TRPM1: variants seen among roughly 807,000 people sequenced by gnomAD.
The protein encoded by TRPM1 is TRPM1-203 APA Isoform, Intron 10.
A neutral mutation model predicts 149.4 loss-of-function variants in TRPM1; 113 were observed. The ratio of observed to expected loss-of-function variants is 0.76; its 90% CI spans 0.65 to 0.88. The LOEUF is 0.88. Among genes scored for constraint, TRPM1 ranks in the 40% least tolerant of loss-of-function variants. The probability of loss-of-function intolerance (pLI) is 0.00; values close to 1 mark genes in which losing one functional copy is unlikely to be tolerated. For missense variants in TRPM1, 1,976 were observed against 2,038.7 expected (o/e 0.97, Z 0.59); for synonymous variants, 741 against 759.5 (o/e 0.98, Z 0.40).
intron 1 of TRPM1, among the ~76,000 whole-genome samples, chr15:31,134,064 G>A (rs58348331): frequency 0.015 from 2,249 of 152,258 alleles, 64 homozygotes; most frequent in African/African-American, 0.052. Flanking sequence ...CTCTCTGGAC[G>A]GGTGGATGGA....
intron 11 of TRPM1, among the ~76,000 whole-genome samples, chr15:31,058,272 G>A (rs2034138436): frequency 6.6e-6 from 1 of 152,076 alleles, no homozygotes; most frequent in Non-Finnish European, 1.5e-5. Context: ...GTGGAGAAAA[G>A]CAAATATCTA....
chr15:31,011,983 T>C (rs144709980), intron 27 of TRPM1, among the ~76,000 whole-genome samples: 270 of 152,284 alleles, frequency 1.8e-3, no homozygotes, highest in African/African-American at 6.4e-3. Context: ...TTATTTTCAA[T>C]AATATACACA....
Position 31,050,426 on chromosome 15 carries a change from T to C in TRPM1, c.1420A>G (p.Ile474Val), listed in dbSNP as rs376502001. The C allele has an allele frequency of 4.3e-6, 7 of 1,614,122 alleles. No homozygotes were observed. In the South Asian group the frequency reaches 7.7e-5, roughly 18 times the overall value. ...CCACATACCCAGTTCAGCAGCTCTA[T>C]CTTCCGGGGGTCAGTTTCTTCCTCC... ...EVEEETDPRK[I>V]ELLNWVNALE... The change falls in exon 12 of 28, where the codon ATA (isoleucine) becomes GTA (valine). Residue 474 changes from isoleucine to valine, a missense_variant. Coordinates refer to ENST00000256552, the MANE Select transcript of TRPM1 (RefSeq NM_001252024.2).
intron 23 of TRPM1, 106 bp from the exon 24 acceptor site, chr15:31,029,497 AC>A: frequency 9.1e-7 from 1 of 1,098,292 alleles, no homozygotes; most frequent in Non-Finnish European, 1.4e-6. Flanking sequence ...AAGTGGTTTA[AC>A]AACATAACTG....
intron 1 of TRPM1, among the ~76,000 whole-genome samples, chr15:31,113,320 C>T (rs531976948): frequency 2.0e-5 from 3 of 152,300 alleles, no homozygotes; most frequent in South Asian, 2.1e-4. Context: ...TGCCTCTGAG[C>T]CCCTGACTGG....
chr15:31,149,561 C>T (rs879505683), intron 1 of TRPM1, among the ~76,000 whole-genome samples: 4 of 149,734 alleles, frequency 2.7e-5, no homozygotes, highest in South Asian at 2.1e-4. Flanking sequence ...AGTCTTTCGC[C>T]CAGGCTGGAC....
chr15:31,147,237 C>T (rs543094186), intron 1 of TRPM1, among the ~76,000 whole-genome samples: 1 of 152,372 alleles, frequency 6.6e-6, no homozygotes, highest in African/African-American at 2.4e-5. Context: ...CTGCCTGGCA[C>T]ACAACTGTGC....
intron 1 of TRPM1, among the ~76,000 whole-genome samples, chr15:31,139,390 C>A (rs574182505): frequency 3.3e-5 from 5 of 152,114 alleles, no homozygotes; most frequent in Non-Finnish European, 7.4e-5. Flanking sequence ...CATTAATAGT[C>A]TAAACAGGGG....
At position 31,001,970 on chromosome 15, in the gene TRPM1, C is replaced by T. The variant is rs775920828; in HGVS notation, c.4730G>A (p.Gly1577Glu). ...FPSLRSKSLH[G>E]HPRNVKSIQG... ...AATGGATTTCACATTCCTAGGATGT[C>T]CATGTAAACTTTTTGACCTGAGAGA... Residue 1577 changes from glycine to glutamate, a missense_variant, in exon 28 of 28, where the codon GGA becomes GAA. Coordinates refer to ENST00000256552, the MANE Select transcript of TRPM1 (RefSeq NM_001252024.2). The T allele has an allele frequency of 2.2e-5, 35 of 1,614,138 alleles. No individual in the cohort carries two copies. The highest frequency in any genetic ancestry group is 2.9e-5 in the Non-Finnish European group (34 of 1,180,022).
intron 1 of TRPM1, among the ~76,000 whole-genome samples, chr15:31,147,219 C>T (rs2036234521): frequency 1.3e-5 from 2 of 152,226 alleles, no homozygotes; most frequent in Non-Finnish European, 2.9e-5. Flanking sequence ...TCCCCAGCTC[C>T]AAGAACACTG....
chr15:31,036,175 C>G (rs1398027047), intron 20 of TRPM1, among the ~76,000 whole-genome samples: 1 of 151,990 alleles, frequency 6.6e-6, no homozygotes, highest in Non-Finnish European at 1.5e-5. Flanking sequence ...GTGGCATGTC[C>G]AGGATTTGCT....
At chr15:31,051,435 C>A (rs964366488) in intron 11 of TRPM1, among the ~76,000 whole-genome samples, 5 of 152,240 alleles carry the variant, frequency 3.3e-5, no homozygotes, top group Non-Finnish European at 7.3e-5. Context: ...CTGTCCTGGG[C>A]TGTGGGTTTA....
rs2032948805 is a variant in TRPM1, at chr15:31,029,339, A to G, written c.3148+32T>C. On this transcript the variant is annotated intron_variant, in intron 24 of 27. Coordinates refer to ENST00000256552, the MANE Select transcript of TRPM1 (RefSeq NM_001252024.2). ...AAGGTAATTGAAAAACACATTCCATAGACTAGAATAATCAATTCCATGTAA... is the reference window on the plus strand; with the variant it reads ...AAGGTAATTGAAAAACACATTCCATGGACTAGAATAATCAATTCCATGTAA... The G allele has an allele frequency of 3.7e-6, 6 of 1,606,774 alleles. No individual in the cohort carries two copies. The African/African-American group carries it at 5.3e-5, about 14-fold the overall frequency.
intron 1 of TRPM1, among the ~76,000 whole-genome samples, chr15:31,126,617 G>A: frequency 6.6e-6 from 1 of 151,476 alleles, no homozygotes; most frequent in African/African-American, 2.4e-5. Context: ...GTTGCCAGAA[G>A]ATTTTTTTTA....
chr15:31,034,203 T>C (rs1017166267), intron 21 of TRPM1, among the ~76,000 whole-genome samples: 1 of 152,248 alleles, frequency 6.6e-6, no homozygotes, highest in Admixed American at 6.5e-5. Flanking sequence ...ATCCGGCCTA[T>C]CTTTCCTCTG....
intron 1 of TRPM1, among the ~76,000 whole-genome samples, chr15:31,115,190 G>A (rs1014587778): frequency 3.3e-5 from 5 of 152,082 alleles, no homozygotes; most frequent in Non-Finnish European, 5.9e-5. Flanking sequence ...CCCAGGAGGC[G>A]ACCATGTCAG....
rs2035333447 is a variant in TRPM1, at chr15:31,094,800, C to T, written c.-84+6857G>A. 4.6e-5 allele frequency among the ~76,000 whole-genome samples: 7 copies of T among 152,240 alleles called. 1 individual carries two copies. The highest frequency in any genetic ancestry group is 4.6e-4 in the Admixed American group (7 of 15,286). ...GTGAAAGTGTAAAATGGTACAGTCA[C>T]TTTGGAAAATGATTTGGCAGTTCCT... is the stretch of plus-strand genomic sequence containing the variant. On this transcript the variant is annotated intron_variant, in intron 1 of 27. Transcript: ENST00000256552.
rs1045471936 is a variant in TRPM1 at position 31,124,514 on chromosome 15, C to T, written c.54+36392G>A. ...ACTAAAAATTCAAAAATTAGTCAGG[C>T]GTGGTGGTGCACACCTGTAATCCCA... On this transcript the variant is annotated intron_variant, in intron 1 of 26. Coordinates refer to the TRPM1 transcript ENST00000542188. 4.0e-5 allele frequency among the ~76,000 whole-genome samples: 6 copies of T among 151,394 alleles called. 1 individual carries two copies. In the South Asian group the frequency reaches 1.0e-3, roughly 26 times the overall value.
intron 14 of TRPM1, 67 bp from the exon 15 acceptor site, chr15:31,047,318 TA>T: frequency 3.1e-6 from 5 of 1,594,680 alleles, no homozygotes; most frequent in Non-Finnish European, 4.3e-6. Flanking sequence ...ATCACACGTC[TA>T]GGGGGTAAGT....
Sources: gnomAD v4.1 joint callset for allele counts (sites outside exome capture counted in the v4.1 genomes callset) on GRCh38, gnomAD v4.1.1 for gene constraint, MANE v1.5 for transcripts, NCBI Gene and HGNC (gene_info 2026-07-23, HGNC 2026-07-21) for gene names.